Variants in SEC24B observed in about 807,000 individuals in gnomAD.
SEC24B encodes SEC24 homolog B, COPII component.
SEC24B carries 45 observed loss-of-function variants against 142.8 expected under a neutral mutation model. That is an observed-to-expected ratio of 0.32 (90% confidence interval 0.25 to 0.40). SEC24B has a LOEUF of 0.40. Among genes scored for constraint, SEC24B ranks in the 10% least tolerant of loss-of-function variants. The pLI is 1.00. For synonymous variants in SEC24B, 574 were observed against 568.2 expected, an observed-to-expected ratio of 1.01 and a Z score of -0.15; for missense variants, 1,409 against 1,526.8, an observed-to-expected ratio of 0.92 and a Z score of 1.29.
intron 6 of SEC24B, among the ~76,000 whole-genome samples, chr4:109,500,966 ATATTTT>A (rs1237735374): frequency 2.0e-5 from 3 of 152,120 alleles, no homozygotes; most frequent in Non-Finnish European, 4.4e-5. Context: ...GCCAAAAACT[ATATTTT>A]TATAGGTTTG....
intron 5 of SEC24B, among the ~76,000 whole-genome samples, chr4:109,494,289 A>G (rs958412095): frequency 1.3e-5 from 2 of 152,152 alleles, no homozygotes; most frequent in Non-Finnish European, 1.5e-5. Flanking sequence ...CTCCATCTCT[A>G]TTTTAAAAAA....
intron 3 of SEC24B, 79 bp downstream of exon 3, chr4:109,473,265 T>A: frequency 1.0e-6 from 1 of 996,244 alleles, no homozygotes; most frequent in Non-Finnish European, 1.4e-6. Flanking sequence ...AAGTTACTTA[T>A]AATCTCAATC....
chr4:109,490,451 C>T (rs746964678), intron 4 of SEC24B, among the ~76,000 whole-genome samples: 33 of 152,162 alleles, frequency 2.2e-4, no homozygotes, highest in African/African-American at 7.0e-4. Flanking sequence ...GGGATAACCT[C>T]TGTAGCACAG....
intron 1 of SEC24B, among the ~76,000 whole-genome samples, chr4:109,437,891 C>T (rs748752100): frequency 6.6e-6 from 1 of 152,066 alleles, no homozygotes; most frequent in Admixed American, 6.5e-5. Flanking sequence ...CCAGAGTGCT[C>T]GGATTACAGA....
intron 3 of SEC24B, among the ~76,000 whole-genome samples, chr4:109,475,465 A>C (rs1349335152): frequency 6.6e-6 from 1 of 152,208 alleles, no homozygotes; most frequent in Non-Finnish European, 1.5e-5. Flanking sequence ...ACCGTTGCTT[A>C]GTTGTTCTCC....
At chr4:109,499,023 T>G (rs1735829659) in intron 6 of SEC24B, among the ~76,000 whole-genome samples, 1 of 152,164 alleles carries the variant, frequency 6.6e-6, no homozygotes. Flanking sequence ...ATTACAAATT[T>G]AGTGAGATCA....
At chr4:109,474,634 A>C (rs555583377) in intron 3 of SEC24B, among the ~76,000 whole-genome samples, 2 of 152,196 alleles carry the variant, frequency 1.3e-5, no homozygotes, top group East Asian at 3.9e-4. Context: ...CATGTTGACC[A>C]ATCTGGCCTC....
chr4:109,496,828 AT>A (rs1735589439), intron 6 of SEC24B, among the ~76,000 whole-genome samples: 1 of 152,176 alleles, frequency 6.6e-6, no homozygotes, highest in Non-Finnish European at 1.5e-5. Flanking sequence ...ATGTGAAACA[AT>A]TTTTAAGTCT....
intron 2 of SEC24B, among the ~76,000 whole-genome samples, chr4:109,472,603 C>T (rs1309855541): frequency 6.6e-6 from 1 of 152,138 alleles, no homozygotes; most frequent in Non-Finnish European, 1.5e-5. Flanking sequence ...TACTCACCTC[C>T]TTACCTGAGT....
intron 1 of SEC24B, among the ~76,000 whole-genome samples, chr4:109,442,258 G>A (rs1241334655): frequency 6.6e-6 from 1 of 152,138 alleles, no homozygotes; most frequent in Non-Finnish European, 1.5e-5. Flanking sequence ...GCTTTCAGCT[G>A]TGCCAGGCAT....
In SEC24B at chr4:109,489,623, AATATATATGGTATATATATG is replaced by A. The variant is rs976539096; in HGVS notation, c.1166-1676_1166-1657del. Among the ~76,000 whole-genome samples, 175 of 146,180 alleles carry A rather than the reference AATATATATGGTATATATATG, an allele frequency of 1.2e-3. 1 individual carries two copies. Among genetic ancestry groups the A allele is most frequent in the East Asian group, 3.5e-3 (18 of 5,102 alleles). ...TAGAATTATATATATTATATATTAT[AATATATATGGTATATATATG>A]ATATATATGGTATATATATGATATA... On this transcript the variant is annotated intron_variant, in intron 4 of 23. Transcript: ENST00000265175.
chr4:109,529,900 A>AT (rs896681303), intron 18 of SEC24B, among the ~76,000 whole-genome samples: 10 of 151,978 alleles, frequency 6.6e-5, no homozygotes, highest in Admixed American at 6.6e-4. Flanking sequence ...TGCCCAGCTA[A>AT]TTTTTTTATT....
chr4:109,469,507 T>G (rs184068482), intron 2 of SEC24B, among the ~76,000 whole-genome samples: 29 of 152,330 alleles, frequency 1.9e-4, no homozygotes, highest in Middle Eastern at 6.8e-3. Flanking sequence ...TTAAGCAACA[T>G]GAAGCAACCG....
At chr4:109,533,794 G>A (rs1024235891) in intron 22 of SEC24B, 109 bp downstream of exon 22, 8 of 756,812 alleles carry the variant, frequency 1.1e-5, no homozygotes, top group Admixed American at 5.0e-5. Context: ...GTAATTTTTG[G>A]TATTACACAG....
intron 6 of SEC24B, among the ~76,000 whole-genome samples, chr4:109,499,206 CAAAAG>C (rs1735853045): frequency 6.6e-6 from 1 of 152,074 alleles, no homozygotes; most frequent in African/African-American, 2.4e-5. Context: ...TTTAAACAAA[CAAAAG>C]AAGTTGAAAA....
Position 109,473,010 on chromosome 4 carries a change from A to G in SEC24B, c.884A>G (p.Asp295Gly). Residue 295 changes from aspartate to glycine, a missense_variant, in exon 3 of 24, where the codon GAT (aspartate) becomes GGT (glycine). Physicochemically the swap from Asp to Gly is moderately conservative, Grantham distance 94 (BLOSUM62 -1). This residue lies in a region of SEC24B where 709 missense variants were observed against 673.5 expected (regional missense o/e 1.05). Coordinates refer to ENST00000265175, the MANE Select transcript of SEC24B (RefSeq NM_006323.5). ...ANNNPTITVADSLSCPVMQNV... is the reference protein window; with the variant it reads ...ANNNPTITVAGSLSCPVMQNV... Reference sequence around the variant, plus strand: ...AATAGTTTCTTCTCTTCAGTTGCAGATTCTTTATCCTGTCCTGTTATGCAA... The same window carrying G: ...AATAGTTTCTTCTCTTCAGTTGCAGGTTCTTTATCCTGTCCTGTTATGCAA... The G allele has an allele frequency of 6.6e-7, 1 of 1,512,684 alleles. No individual in the cohort carries two copies. Among genetic ancestry groups the G allele is most frequent in the African/African-American group, 1.4e-5 (1 of 71,046 alleles). The allele number at this position is 1,512,684 out of a possible 1,614,324, so 93.7% of individuals were successfully genotyped here. A position where few individuals can be genotyped will look rare whatever the true frequency, so the allele number is the denominator to read the frequency against.
chr4:109,523,988 A>G (rs934403470), intron 14 of SEC24B, among the ~76,000 whole-genome samples: 4 of 152,202 alleles, frequency 2.6e-5, no homozygotes, highest in Middle Eastern at 3.2e-3. Context: ...ATTTTAAAAT[A>G]AGTATGTATT....
At chr4:109,444,503 A>T (rs1424668308) in intron 1 of SEC24B, among the ~76,000 whole-genome samples, 3 of 129,658 alleles carry the variant, frequency 2.3e-5, no homozygotes, top group African/African-American at 8.4e-5. Context: ...TGGTACAGGG[A>T]CTAGACTTGC....
chr4:109,503,034 A>G (rs1736311947), intron 6 of SEC24B, among the ~76,000 whole-genome samples: 1 of 149,408 alleles, frequency 6.7e-6, no homozygotes, highest in African/African-American at 2.5e-5. Context: ...CTTAAATTTT[A>G]TGTAGTTATT....
Sources: gnomAD v4.1 joint callset for allele counts (sites outside exome capture counted in the v4.1 genomes callset) on GRCh38, gnomAD v4.1.1 for gene constraint, gnomAD v4.1.1 regional missense constraint, MANE v1.5 for transcripts, NCBI Gene and HGNC (gene_info 2026-07-23, HGNC 2026-07-21) for gene names.